Variants in TENT4B observed in about 807,000 individuals in gnomAD.
TENT4B encodes terminal nucleotidyltransferase 4B, also known as PAP associated domain containing 5.
TENT4B carries 10 observed loss-of-function variants against 75.0 expected under a neutral mutation model. The ratio of observed to expected loss-of-function variants is 0.13; its 90% confidence interval spans 0.08 to 0.23. TENT4B has a LOEUF of 0.23. Ranked by LOEUF, TENT4B falls within the 10% of genes least tolerant of loss-of-function variation. TENT4B has a pLI of 1.00. For missense variants in TENT4B, 579 were observed against 893.8 expected (o/e 0.65, Z 4.49); for synonymous variants, 350 against 357.7 (o/e 0.98, Z 0.24).
In TENT4B at chr16:50,229,406, T is replaced by G; in HGVS notation, c.*78T>G. 6.6e-7 allele frequency: 1 copy of G among 1,505,918 alleles called. No homozygotes were observed. Among genetic ancestry groups the G allele is most frequent in the Non-Finnish European group, 8.8e-7 (1 of 1,134,442 alleles). The allele number at this position is 1,505,918 out of a possible 1,614,324, so 93.3% of individuals were successfully genotyped here. ...CAGTTGCGCAGGGACTCCTGGGAGA[T>G]ATTCAGGAGCCTCACACTGTTCAGA... On this transcript the variant is annotated 3_prime_UTR_variant, in exon 12 of 12. Coordinates refer to ENST00000561678, the MANE Select transcript of TENT4B (RefSeq NM_001365324.3).
At position 50,227,921 on chromosome 16, in the gene TENT4B, T is replaced by G. The variant is rs2032127877; in HGVS notation, c.1883T>G (p.Val628Gly). The change falls in exon 11 of 12, where the codon GTA becomes GGA. Residue 628 changes from valine (V) to glycine (G), a missense_variant. By Grantham distance (109) the Val-to-Gly change is moderately radical (BLOSUM62 -3). Around this residue, in one of 7 missense-constraint regions of TENT4B, gnomAD observed 164 missense variants for 226.5 expected, o/e 0.72. Transcript: ENST00000561678. ...GGGAACCGAGTAGGGTCGCAAGATG[T>G]ATCCTTGGAGTCCTCTCAGGCAGTT... is the stretch of plus-strand genomic sequence containing the variant. ...STGNRVGSQDVSLESSQAVGK... is the reference protein window; with the variant it reads ...STGNRVGSQDGSLESSQAVGK... 5.6e-6 allele frequency: 9 copies of G among 1,614,038 alleles called. No individual in the cohort carries two copies. Among genetic ancestry groups the G allele is most frequent in the Non-Finnish European group, 7.6e-6 (9 of 1,179,896 alleles).
intron 11 of TENT4B, among the ~76,000 whole-genome samples, chr16:50,228,909 G>A (rs980505145): frequency 1.3e-5 from 2 of 152,168 alleles, no homozygotes; most frequent in Admixed American, 1.3e-4. Flanking sequence ...CCCACACACT[G>A]TTAAGAAGGC....
intron 1 of TENT4B, among the ~76,000 whole-genome samples, chr16:50,204,055 C>T (rs776011170): frequency 4.6e-5 from 7 of 152,074 alleles, no homozygotes; most frequent in Non-Finnish European, 8.8e-5. Context: ...GTGGGGCTGT[C>T]GTAGAAGAGG....
intron 1 of TENT4B, among the ~76,000 whole-genome samples, chr16:50,168,504 C>T (rs1177879753): frequency 1.4e-5 from 2 of 143,816 alleles, no homozygotes; most frequent in East Asian, 2.1e-4. Flanking sequence ...AGTAGAGACT[C>T]GGTTTCATCA....
In TENT4B at chr16:50,234,916, C is replaced by T. The variant is rs1352097009; in HGVS notation, c.*5588C>T. 2.0e-5 allele frequency: 20 copies of T among 985,646 alleles called. No individual in the cohort carries two copies. The Admixed American group carries it at 1.2e-3, about 58-fold the overall frequency. 61.1% of individuals were successfully genotyped at this position (985,646 alleles called of 1,614,324 possible). A position where few individuals can be genotyped will look rare whatever the true frequency, so the allele number is the denominator to read the frequency against. On this transcript the variant is annotated 3_prime_UTR_variant, in exon 12 of 12. Coordinates refer to ENST00000561678, the MANE Select transcript of TENT4B (RefSeq NM_001365324.3). ...TAGTAACCTTTTTATGTATTTCCTT[C>T]TTTGATTAGCATTGTCTTCAGTGTT...
chr16:50,188,957 G>A (rs1596691662), intron 1 of TENT4B, among the ~76,000 whole-genome samples: 2 of 152,126 alleles, frequency 1.3e-5, no homozygotes, highest in East Asian at 3.9e-4. Flanking sequence ...TTTTCCCATA[G>A]TAACCATTTA....
intron 1 of TENT4B, among the ~76,000 whole-genome samples, chr16:50,200,415 A>G (rs2030561806): frequency 6.6e-6 from 1 of 152,068 alleles, no homozygotes; most frequent in Non-Finnish European, 1.5e-5. Flanking sequence ...GTAAGGAAGC[A>G]AAAATAAGTA....
chr16:50,229,103 T>G, intron 11 of TENT4B, 49 bp from the exon 12 acceptor site: 1 of 1,595,480 alleles, frequency 6.3e-7, no homozygotes, highest in Non-Finnish European at 8.5e-7. Context: ...GAGAACACTC[T>G]GCTTTTCTGC....
At chr16:50,217,464 A>G (rs1194619004) in intron 4 of TENT4B, 92 bp from the exon 5 acceptor site, 13 of 651,846 alleles carry the variant, frequency 2.0e-5, no homozygotes, top group Non-Finnish European at 3.1e-5. Flanking sequence ...TCATGAGATG[A>G]TGGAGACCTC....
At chr16:50,165,464 CT>C (rs1170150217) in intron 1 of TENT4B, among the ~76,000 whole-genome samples, 1 of 146,780 alleles carries the variant, frequency 6.8e-6, no homozygotes, top group African/African-American at 2.5e-5. Flanking sequence ...AAATTTAACC[CT>C]TTTAAAGTGT....
At chr16:50,214,690 C>A (rs1035884957) in intron 3 of TENT4B, among the ~76,000 whole-genome samples, 1 of 152,050 alleles carries the variant, frequency 6.6e-6, no homozygotes, top group Non-Finnish European at 1.5e-5. Context: ...AAGGATTTAC[C>A]AGCATTTAAT....
intron 1 of TENT4B, among the ~76,000 whole-genome samples, chr16:50,203,513 C>G (rs1338991168): frequency 6.6e-6 from 1 of 152,198 alleles, no homozygotes; most frequent in Non-Finnish European, 1.5e-5. Context: ...ATTACATGTT[C>G]ATTGTGAATA....
intron 2 of TENT4B, among the ~76,000 whole-genome samples, chr16:50,212,511 TGGGAAGCTA>T (rs939635765): frequency 1.2e-4 from 18 of 152,110 alleles, no homozygotes; most frequent in African/African-American, 4.3e-4. Flanking sequence ...TGGGTGGTGG[TGGGAAGCTA>T]GGGAAGGTTT....
chr16:50,154,070 C>T lies in TENT4B; in HGVS notation c.449C>T (p.Pro150Leu), dbSNP rs867185223. 4.2e-5 allele frequency: 64 copies of T among 1,532,240 alleles called. No individual in the cohort carries two copies. Among genetic ancestry groups the T allele is most frequent in the African/African-American group, 6.9e-5 (5 of 72,796 alleles). 94.9% of individuals were successfully genotyped at this position (1,532,240 alleles called of 1,614,324 possible). The change falls in exon 1 of 12, where the codon CCA becomes CTA. Residue 150 changes from proline to leucine, a missense_variant. Transcript: ENST00000561678. ...TCGGCCGCCGTCCCCGCCGCCGATC[C>T]AGCCGATTCGGCCTCGGGCAGCAGC... ...HPSAAVPAAD[P>L]ADSASGSSNK...
chr16:50,211,196 G>A, intron 1 of TENT4B, 127 bp from the exon 2 acceptor site: 1 of 1,002,210 alleles, frequency 1.0e-6, no homozygotes, highest in Non-Finnish European at 1.4e-6. Context: ...CTTATCTTGA[G>A]TTATAACATT....
chr16:50,228,365 T>C (rs1373960848), intron 11 of TENT4B, among the ~76,000 whole-genome samples: 2 of 152,256 alleles, frequency 1.3e-5, no homozygotes, highest in Admixed American at 6.5e-5. Flanking sequence ...TTTTCTAATA[T>C]TTTAATGTTC....
chr16:50,162,430 A>G (rs1038306185), intron 1 of TENT4B, among the ~76,000 whole-genome samples: 4 of 152,160 alleles, frequency 2.6e-5, no homozygotes, highest in Non-Finnish European at 5.9e-5. Flanking sequence ...TCCTATCAAC[A>G]ATATATGAGA....
rs1208856638 is a variant in TENT4B at position 50,232,952 on chromosome 16, G to A, written c.*3624G>A. On this transcript the variant is annotated 3_prime_UTR_variant, in exon 12 of 12. Transcript: ENST00000561678. ...TCAAAAATACATTCCCAATTTTGCT[G>A]TGATAAATATTGAAATGTTAAAATT... The A allele has an allele frequency of 2.0e-6, 2 of 985,072 alleles. No individual in the cohort carries two copies. The highest frequency in any genetic ancestry group is 1.7e-5 in the African/African-American group (1 of 57,214). 61.0% of individuals were successfully genotyped at this position (985,072 alleles called of 1,614,324 possible).
In TENT4B at chr16:50,174,021, T is replaced by C. The variant is rs541084942; in HGVS notation, c.638+19762T>C. 2.0e-5 allele frequency among the ~76,000 whole-genome samples: 3 copies of C among 151,866 alleles called. No individual in the cohort carries two copies. The South Asian group carries it at 6.2e-4, about 32-fold the overall frequency. On this transcript the variant is annotated intron_variant, in intron 1 of 11. Coordinates refer to ENST00000561678, the MANE Select transcript of TENT4B (RefSeq NM_001365324.3). ...CATCTGCTTATTTGATATGTGTATATGTTATTTGGCAAAGTATCTGTTCTG... is the reference window on the plus strand; with the variant it reads ...CATCTGCTTATTTGATATGTGTATACGTTATTTGGCAAAGTATCTGTTCTG...
Sources: gnomAD v4.1 joint callset for allele counts (sites outside exome capture counted in the v4.1 genomes callset) on GRCh38, gnomAD v4.1.1 for gene constraint, gnomAD v4.1.1 regional missense constraint, MANE v1.5 for transcripts, NCBI Gene and HGNC (gene_info 2026-07-23, HGNC 2026-07-21) for gene names.